Variants in HENMT1 observed in about 807,000 individuals in gnomAD.
HENMT1 encodes the protein small RNA 2'-O-methyltransferase.
In HENMT1, 27 loss-of-function variants were observed where a neutral mutation model predicts 31.1. The observed-to-expected ratio is 0.87, with a 90% CI of 0.64 to 1.20. The LOEUF (loss-of-function observed/expected upper bound fraction) is 1.20, where lower values mean the gene tolerates loss of function less well. Among genes scored for constraint, HENMT1 ranks in the 50% most tolerant of loss-of-function variants. The pLI, the probability that HENMT1 is intolerant of heterozygous loss-of-function variation, is 0.00. For missense variants in HENMT1, 438 were observed against 469.6 expected, an observed-to-expected ratio of 0.93 and a Z score of 0.62; for synonymous variants, 167 against 172.2, an observed-to-expected ratio of 0.97 and a Z score of 0.24.
At chr1:108,650,083 C>A in intron 7 of HENMT1, 128 bp downstream of exon 7, 1 of 840,818 alleles carries the variant, frequency 1.2e-6, no homozygotes, top group Non-Finnish European at 2.0e-6. Flanking sequence ...CTGAAGAATT[C>A]TCCTAGAGTG....
At chr1:108,651,691 A>C (rs1353197026) in intron 5 of HENMT1, among the ~76,000 whole-genome samples, 1 of 151,604 alleles carries the variant, frequency 6.6e-6, no homozygotes, top group Non-Finnish European at 1.5e-5. Flanking sequence ...GAAAGAAAGA[A>C]AAGAAAGAGA....
intron 7 of HENMT1, chr1:108,649,233 G>A: frequency 1.6e-6 from 1 of 614,494 alleles, no homozygotes; most frequent in South Asian, 1.5e-5. Flanking sequence ...TTTCTACCAA[G>A]TCACATGAAC....
chr1:108,658,991 G>A (rs1020117306), intron 2 of HENMT1, among the ~76,000 whole-genome samples: 5 of 152,038 alleles, frequency 3.3e-5, no homozygotes, highest in South Asian at 2.1e-4. Context: ...AATTATAATC[G>A]GAATTAGAAT....
At position 108,648,787 on chromosome 1, in the gene HENMT1, C is replaced by T. The variant is rs148839420; in HGVS notation, c.961G>A (p.Val321Ile). The change falls in exon 8 of 8, where the codon GTT (valine) becomes ATT (isoleucine). Residue 321 changes from valine to isoleucine, a missense_variant. Physicochemically the swap from Val to Ile is conservative, Grantham distance 29. Transcript: ENST00000651461. ...VPCFGPVFTE[V>I]EKAKIENSPT... ...GAGTTCTCTATCTTGGCCTTCTCAACCTCTGTGAAGACTGGTCCAAAGCAT... is the reference window on the plus strand; with the variant it reads ...GAGTTCTCTATCTTGGCCTTCTCAATCTCTGTGAAGACTGGTCCAAAGCAT... The T allele has an allele frequency of 2.8e-4, 445 of 1,614,212 alleles. No individual in the cohort carries two copies. Among genetic ancestry groups the T allele is most frequent in the Non-Finnish European group, 3.4e-4 (406 of 1,180,020 alleles).
intron 7 of HENMT1, chr1:108,649,454 A>C: frequency 2.3e-6 from 1 of 442,512 alleles, no homozygotes; most frequent in Non-Finnish European, 4.5e-6. Flanking sequence ...AAAAACAAAA[A>C]ACAAAACAAA....
intron 1 of HENMT1, 36 bp downstream of exon 1, chr1:108,660,927 A>C: frequency 1.0e-6 from 1 of 964,792 alleles, no homozygotes; most frequent in Non-Finnish European, 1.2e-6. Flanking sequence ...CCGTCTCAAA[A>C]AAAAAAAAAG....
intron 6 of HENMT1, 65 bp downstream of exon 6, chr1:108,650,965 A>T: frequency 8.6e-7 from 1 of 1,167,210 alleles, no homozygotes; most frequent in Non-Finnish European, 1.2e-6. Flanking sequence ...GTATATCAAT[A>T]TTTATTTCCT....
chr1:108,656,219 G>A (rs1236076203), intron 3 of HENMT1, among the ~76,000 whole-genome samples: 1 of 152,098 alleles, frequency 6.6e-6, no homozygotes, highest in African/African-American at 2.4e-5. Context: ...CACATGCCTA[G>A]ATGGCTACAA....
upstream of HENMT1, chr1:108,661,121 C>T (rs1312127998): frequency 1.6e-5 from 8 of 499,458 alleles, no homozygotes; most frequent in Non-Finnish European, 1.8e-5. Context: ...CTGCGTGACG[C>T]TACCGCCGCG....
chr1:108,649,900 T>C, intron 7 of HENMT1: 1 of 413,552 alleles, frequency 2.4e-6, no homozygotes, highest in Non-Finnish European at 4.6e-6. Flanking sequence ...GCAATCTTTC[T>C]ACCTTGGCCT....
chr1:108,656,729 G>A (rs1321518533), intron 3 of HENMT1, among the ~76,000 whole-genome samples: 1 of 152,156 alleles, frequency 6.6e-6, no homozygotes, highest in East Asian at 1.9e-4. Flanking sequence ...CTCCCAAAGT[G>A]CCGGAATTAC....
intron 4 of HENMT1, 90 bp downstream of exon 4, chr1:108,655,496 A>T: frequency 1.4e-6 from 1 of 734,820 alleles, no homozygotes; most frequent in Non-Finnish European, 2.1e-6. Flanking sequence ...CCAATCTTTT[A>T]AAACAAATAT....
chr1:108,657,866 T>C (rs1251309776), intron 2 of HENMT1, among the ~76,000 whole-genome samples: 3 of 151,972 alleles, frequency 2.0e-5, no homozygotes, highest in Non-Finnish European at 4.4e-5. Flanking sequence ...TGAAAACAAT[T>C]AGATGACTCC....
chr1:108,657,974 T>C (rs184984825), intron 2 of HENMT1, among the ~76,000 whole-genome samples: 10 of 144,732 alleles, frequency 6.9e-5, no homozygotes, highest in South Asian at 2.2e-4. Flanking sequence ...TATATATATA[T>C]ACACACACAC....
intron 2 of HENMT1, among the ~76,000 whole-genome samples, chr1:108,659,661 C>A (rs72695691): frequency 0.018 from 2,748 of 152,302 alleles, 32 homozygotes; most frequent in Non-Finnish European, 0.028. Flanking sequence ...ACTTTAACAC[C>A]TAGTGATAAA....
intron 2 of HENMT1, among the ~76,000 whole-genome samples, chr1:108,658,143 T>TTTA (rs1553183834): frequency 6.8e-6 from 1 of 148,030 alleles, no homozygotes; most frequent in African/African-American, 2.5e-5. Context: ...ATTTTTTTTT[T>TTTA]CCCCCCAAGA....
intron 5 of HENMT1, 139 bp downstream of exon 5, chr1:108,654,577 G>A (rs1658156355): frequency 1.3e-6 from 1 of 779,892 alleles, no homozygotes; most frequent in Non-Finnish European, 2.0e-6. Context: ...TGGAAAAGCA[G>A]AGTAAAAAGA....
chr1:108,649,490 C>T (rs1570630270), intron 7 of HENMT1: 7 of 414,126 alleles, frequency 1.7e-5, no homozygotes, highest in African/African-American at 2.1e-5. Context: ...GTGGTGCACG[C>T]CTGTCGTCCT....
chr1:108,656,731 C>T (rs1043630241), intron 3 of HENMT1, among the ~76,000 whole-genome samples: 6 of 152,048 alleles, frequency 3.9e-5, no homozygotes, highest in East Asian at 1.9e-4. Context: ...CCCAAAGTGC[C>T]GGAATTACAG....
Sources: gnomAD v4.1 joint callset for allele counts (sites outside exome capture counted in the v4.1 genomes callset) on GRCh38, gnomAD v4.1.1 for gene constraint, MANE v1.5 for transcripts, NCBI Gene and HGNC (gene_info 2026-07-23, HGNC 2026-07-21) for gene names.